The following COL22A1 variants were observed in gnomAD, a reference collection of about 807,000 sequenced individuals.
COL22A1 encodes the protein collagen alpha-1(XXII) chain.
A neutral mutation model predicts 248.9 loss-of-function variants in COL22A1; 221 were observed. That is an observed-to-expected ratio of 0.89 (90% CI 0.80 to 0.99). COL22A1 has a LOEUF of 0.99. COL22A1 is among the 50% of genes least tolerant of loss of function. The pLI is 0.00. For missense variants in COL22A1, 2,240 were observed against 2,179.0 expected (o/e 1.03, Z -0.56); for synonymous variants, 891 against 793.4 (o/e 1.12, Z -2.07).
intron 23 of COL22A1, among the ~76,000 whole-genome samples, chr8:138,732,517 G>C (rs527541367): frequency 6.6e-6 from 1 of 152,198 alleles, no homozygotes; most frequent in African/African-American, 2.4e-5. Flanking sequence ...AAATCACTAC[G>C]TGTGAATTAA....
In COL22A1 at chr8:138,878,174, C is replaced by T. The variant is rs1823896886; in HGVS notation, c.234G>A (p.Gly78=). The T allele has an allele frequency of 3.1e-6, 5 of 1,604,306 alleles. No individual in the cohort carries two copies. The highest frequency in any genetic ancestry group is 3.3e-4 in the Middle Eastern group (2 of 6,070). ...FEVGPDRTRV[G]VVRYSDRPTT... is the part of the protein sequence containing the mutation. ...TGGGCCGGTCGCTGTAGCGCACGAC[C>T]CCCACACGGGTGCGGTCGGGGCCCA... The change falls in exon 3 of 65, where the codon GGG becomes GGA. Residue 78 remains glycine, a synonymous_variant. Transcript: ENST00000303045.
intron 1 of COL22A1, among the ~76,000 whole-genome samples, chr8:138,885,484 T>C (rs1369836441): frequency 6.6e-6 from 1 of 152,140 alleles, no homozygotes; most frequent in Non-Finnish European, 1.5e-5. Flanking sequence ...AACCCCTTAG[T>C]CCCTGGAGGG....
intron 25 of COL22A1, 69 bp downstream of exon 25, chr8:138,724,546 G>T: frequency 6.8e-7 from 1 of 1,480,502 alleles, no homozygotes; most frequent in Non-Finnish European, 9.4e-7. Context: ...AGCTGCAAGG[G>T]CTCAGTGCTC....
rs1832899701 is a variant in COL22A1, at chr8:138,755,197, G to C, written c.1991C>G (p.Pro664Arg). The change falls in exon 21 of 65, where the codon CCC (proline) becomes CGC (arginine). Residue 664 changes from proline (P) to arginine (R), a missense_variant. By Grantham distance (103) the Pro-to-Arg change is moderately radical. Transcript: ENST00000303045. ...GLKGEQGAPG[P>R]RGHQGAPGPP... is the part of the protein sequence containing the mutation. ...ACCGGGGGCGCCTTGGTGACCTCTG[G>C]GTCCTGGAGCTCCCTGGTAACACAA... 7 of 1,614,054 alleles carry C rather than the reference G, an allele frequency of 4.3e-6. No homozygotes were observed. The East Asian group carries it at 1.3e-4, about 31-fold the overall frequency.
intron 53 of COL22A1, among the ~76,000 whole-genome samples, chr8:138,618,290 C>T (rs1819496204): frequency 6.6e-6 from 1 of 152,174 alleles, no homozygotes; most frequent in Admixed American, 6.5e-5. Flanking sequence ...AAACCCACTC[C>T]ATTCTACAAA....
intron 43 of COL22A1, among the ~76,000 whole-genome samples, chr8:138,661,104 A>C (rs1447905237): frequency 1.1e-5 from 1 of 95,178 alleles, no homozygotes; most frequent in Non-Finnish European, 2.8e-5. Flanking sequence ...ACACACACAC[A>C]CACAGACACA....
chr8:138,769,118 C>T (rs1345185210), intron 16 of COL22A1, among the ~76,000 whole-genome samples: 1 of 152,102 alleles, frequency 6.6e-6, no homozygotes, highest in African/African-American at 2.4e-5. Context: ...CTATACTTTG[C>T]AAATCTTACC....
At chr8:138,852,244 G>C (rs1010442801) in intron 3 of COL22A1, among the ~76,000 whole-genome samples, 40 of 152,194 alleles carry the variant, frequency 2.6e-4, no homozygotes, top group Non-Finnish European at 7.4e-5. Context: ...ACAGGGAAAG[G>C]GTGGAGGCAA....
intron 32 of COL22A1, among the ~76,000 whole-genome samples, chr8:138,697,520 G>A (rs1827606412): frequency 6.6e-6 from 1 of 152,140 alleles, no homozygotes; most frequent in African/African-American, 2.4e-5. Context: ...CCAGGGATAT[G>A]CACACCATCA....
In COL22A1 at chr8:138,775,972, TCCTCGAGTTCCCTTTTCA is replaced by T. The variant is rs779626279; in HGVS notation, c.1779_1796del (p.Thr597_Gly602del). 1.1e-4 allele frequency: 173 copies of T among 1,613,894 alleles called. 7 individuals carry two copies. In the South Asian group the frequency reaches 1.4e-3, roughly 13 times the overall value. Reference sequence around the variant, plus strand: ...GAGTGCAGACTATAAATACCTTTTCTCCTCGAGTTCCCTTTTCACCTCGTTCTCCTTGGAGACCCTGGG... The same window carrying T: ...GAGTGCAGACTATAAATACCTTTTCTCCTCGTTCTCCTTGGAGACCCTGGG... On this transcript the variant is annotated inframe_deletion, in exon 16 of 65. Transcript: ENST00000303045.
intron 3 of COL22A1, among the ~76,000 whole-genome samples, chr8:138,863,937 T>C (rs902803091): frequency 2.0e-5 from 3 of 152,208 alleles, no homozygotes; most frequent in African/African-American, 4.8e-5. Flanking sequence ...ATTTATCAGA[T>C]ACATACCTAT....
At chr8:138,633,496 A>T (rs906361691) in intron 49 of COL22A1, among the ~76,000 whole-genome samples, 1 of 152,250 alleles carries the variant, frequency 6.6e-6, no homozygotes, top group Non-Finnish European at 1.5e-5. Context: ...TGGAACTACC[A>T]GGGTGGAGTG....
chr8:138,682,129 T>A (rs1305747731), intron 39 of COL22A1, among the ~76,000 whole-genome samples: 1 of 152,152 alleles, frequency 6.6e-6, no homozygotes, highest in Non-Finnish European at 1.5e-5. Context: ...AAGGTGCAAG[T>A]ATAGAAAGAA....
At chr8:138,741,185 C>A (rs758157266) in intron 22 of COL22A1, among the ~76,000 whole-genome samples, 27 of 152,214 alleles carry the variant, frequency 1.8e-4, no homozygotes, top group African/African-American at 6.5e-4. Context: ...CACATCTCAG[C>A]CCATCAAAAT....
At chr8:138,847,434 T>C (rs191384158) in intron 3 of COL22A1, among the ~76,000 whole-genome samples, 1 of 152,290 alleles carries the variant, frequency 6.6e-6, no homozygotes, top group East Asian at 1.9e-4. Context: ...TGTTGCTAAA[T>C]AATGCCACCT....
intron 1 of COL22A1, among the ~76,000 whole-genome samples, chr8:138,894,512 G>T (rs887747405): frequency 1.3e-5 from 2 of 152,150 alleles, no homozygotes; most frequent in East Asian, 3.9e-4. Flanking sequence ...ACCAGATGAA[G>T]AGTGCAGGCT....
intron 47 of COL22A1, among the ~76,000 whole-genome samples, chr8:138,638,399 A>G (rs1821379071): frequency 6.6e-6 from 1 of 152,086 alleles, no homozygotes; most frequent in African/African-American, 2.4e-5. Flanking sequence ...TCATCTAGTA[A>G]ATAAAGGATG....
Position 138,720,736 on chromosome 8 carries a change from T to C in COL22A1, c.2355+3A>G. On this transcript the variant is annotated splice_donor_region_variant and intron_variant, in intron 27 of 64. Transcript: ENST00000303045. ...TAATGGGAAAAAGAGGCAAAGTCCA[T>C]ACCCGAAGGCCTGGTTTTCCAGGCA... The C allele has an allele frequency of 6.2e-7, 1 of 1,613,020 alleles. No individual in the cohort carries two copies. The highest frequency in any genetic ancestry group is 8.5e-7 in the Non-Finnish European group (1 of 1,178,996).
chr8:138,755,575 C>G (rs1387286945), intron 19 of COL22A1, 64 bp from the exon 20 acceptor site: 16 of 1,555,322 alleles, frequency 1.0e-5, no homozygotes, highest in Non-Finnish European at 1.2e-5. Context: ...CAACCTCTCT[C>G]AGCTGCACTA....
Sources: gnomAD v4.1 joint callset for allele counts (sites outside exome capture counted in the v4.1 genomes callset) on GRCh38, gnomAD v4.1.1 for gene constraint, MANE v1.5 for transcripts, NCBI Gene and HGNC (gene_info 2026-07-23, HGNC 2026-07-21) for gene names.